TBCK: variants seen among roughly 807,000 people sequenced by gnomAD.
TBCK encodes the protein TBC1 domain containing kinase, also known as TBC domain-containing protein kinase-like protein.
A neutral mutation model predicts 113.4 loss-of-function variants in TBCK; 99 were observed. The observed-to-expected ratio is 0.87, with a 90% CI of 0.74 to 1.03. The LOEUF (loss-of-function observed/expected upper bound fraction) is 1.03, where lower values mean the gene tolerates loss of function less well. Ranked by LOEUF, TBCK falls within the 50% of genes least tolerant of loss-of-function variation. The probability of loss-of-function intolerance (pLI) is 0.00; values close to 1 mark genes in which losing one functional copy is unlikely to be tolerated. For synonymous variants in TBCK, 369 were observed against 370.8 expected (o/e 1.00, Z 0.05); for missense variants, 1,045 against 1,061.3 (o/e 0.98, Z 0.21).
At chr4:106,131,406 A>C (rs1475950554) in intron 23 of TBCK, among the ~76,000 whole-genome samples, 1 of 152,222 alleles carries the variant, frequency 6.6e-6, no homozygotes. Flanking sequence ...TGAGGTTGGG[A>C]GTTTGAGACC....
intron 19 of TBCK, among the ~76,000 whole-genome samples, chr4:106,226,160 T>C (rs1406328947): frequency 6.6e-6 from 1 of 152,076 alleles, no homozygotes; most frequent in East Asian, 1.9e-4. Flanking sequence ...CCAGACCTTG[T>C]ATCAAAAAAG....
intron 23 of TBCK, among the ~76,000 whole-genome samples, chr4:106,127,963 A>G (rs866228901): frequency 3.9e-5 from 6 of 152,124 alleles, no homozygotes; most frequent in African/African-American, 1.2e-4. Flanking sequence ...ACACACACAC[A>G]CGCGTACACA....
At chr4:106,204,472 G>A (rs1464767008) in intron 20 of TBCK, among the ~76,000 whole-genome samples, 1 of 152,074 alleles carries the variant, frequency 6.6e-6, no homozygotes, top group Non-Finnish European at 1.5e-5. Context: ...TTATGCTAAT[G>A]GTGCAAAGCC....
At chr4:106,285,044 T>A (rs1764980525) in intron 3 of TBCK, among the ~76,000 whole-genome samples, 1 of 152,146 alleles carries the variant, frequency 6.6e-6, no homozygotes, top group Non-Finnish European at 1.5e-5. Flanking sequence ...AAAAATAATT[T>A]TGATCATTTA....
intron 5 of TBCK, 120 bp downstream of exon 5, chr4:106,260,317 A>ACAGCTT: frequency 2.4e-6 from 1 of 420,222 alleles, no homozygotes; most frequent in Non-Finnish European, 4.1e-6. Context: ...AGATGCATTA[A>ACAGCTT]TTTTAAAAAA....
chr4:106,261,025 T>C (rs115733337), intron 4 of TBCK, among the ~76,000 whole-genome samples: 147 of 152,114 alleles, frequency 9.7e-4, no homozygotes, highest in African/African-American at 3.4e-3. Flanking sequence ...TTTATATTGT[T>C]TGAGAACAAA....
intron 22 of TBCK, among the ~76,000 whole-genome samples, chr4:106,175,481 C>T (rs762674071): frequency 6.6e-6 from 1 of 151,230 alleles, no homozygotes; most frequent in African/African-American, 2.4e-5. Context: ...CTTCTGGGAA[C>T]ATTGAGTTTT....
At chr4:106,048,762 A>G (rs988377718) in intron 25 of TBCK, among the ~76,000 whole-genome samples, 1 of 152,186 alleles carries the variant, frequency 6.6e-6, no homozygotes, top group African/African-American at 2.4e-5. Context: ...GAAGGACTGT[A>G]CATGCAACTA....
At chr4:106,178,378 G>T (rs1264117718) in intron 22 of TBCK, among the ~76,000 whole-genome samples, 2 of 151,822 alleles carry the variant, frequency 1.3e-5, no homozygotes, top group Non-Finnish European at 2.9e-5. Context: ...GTAGTGAAAG[G>T]AGGCATCTTT....
At chr4:106,212,985 T>C in intron 19 of TBCK, 150 bp from the exon 20 acceptor site, 4 of 582,574 alleles carry the variant, frequency 6.9e-6, no homozygotes, top group South Asian at 4.8e-5. Context: ...ACTATTTTAA[T>C]TACTTACTGC....
intron 23 of TBCK, among the ~76,000 whole-genome samples, chr4:106,143,044 C>A (rs1027417561): frequency 6.6e-6 from 1 of 152,186 alleles, no homozygotes; most frequent in African/African-American, 2.4e-5. Flanking sequence ...TATATCATGA[C>A]AATGTTATTT....
At chr4:106,217,999 T>C (rs906076565) in intron 19 of TBCK, among the ~76,000 whole-genome samples, 4 of 144,480 alleles carry the variant, frequency 2.8e-5, no homozygotes, top group Non-Finnish European at 4.6e-5. Flanking sequence ...CAAAACAGCA[T>C]GGTACTGGTA....
chr4:106,314,402 T>C (rs1323213730), intron 1 of TBCK, among the ~76,000 whole-genome samples: 1 of 152,182 alleles, frequency 6.6e-6, no homozygotes, highest in Non-Finnish European at 1.5e-5. Context: ...TGGTGTGGGC[T>C]ATTTCTAGAA....
chr4:106,107,495 A>T lies in TBCK; in HGVS notation c.2411+8708T>A, dbSNP rs148909811. On this transcript the variant is annotated intron_variant, in intron 24 of 25. Coordinates refer to ENST00000394708, the MANE Select transcript of TBCK (RefSeq NM_001163435.3). The stretch of plus-strand genomic sequence containing the variant: ...AACACAATAAAAATCACTCAAAATC[A>T]TACAATTACATAGAAATTAAACAAC... Among the ~76,000 whole-genome samples the T allele has an allele frequency of 3.1e-4, 47 of 152,348 alleles. 1 individual carries two copies. The highest frequency in any genetic ancestry group is 1.0e-3 in the African/African-American group (43 of 41,594).
At chr4:106,293,621 T>G (rs1045563082) in intron 3 of TBCK, among the ~76,000 whole-genome samples, 11 of 152,336 alleles carry the variant, frequency 7.2e-5, no homozygotes, top group Admixed American at 6.5e-4. Context: ...ACATGATATC[T>G]GCATTTTTCA....
rs1286055765 is a variant in TBCK at position 106,148,006 on chromosome 4, A to T, written c.2235+23089T>A. ...TGGGCGTGGCCATCTTCTATGGTCG[A>T]GGCTGTAGGGGTGAAATATACCCCA... On this transcript the variant is annotated intron_variant, in intron 23 of 25. Coordinates refer to ENST00000394708, the MANE Select transcript of TBCK (RefSeq NM_001163435.3). Among the ~76,000 whole-genome samples, 3 of 152,150 alleles carry T rather than the reference A, an allele frequency of 2.0e-5. No individual in the cohort carries two copies. The East Asian group carries it at 5.8e-4, about 29-fold the overall frequency.
In TBCK at chr4:106,046,491, T is replaced by G; in HGVS notation, c.*79A>C. ...AACAATCTGGACATCTAGTTTTGTC[T>G]GAGAGTGGCGTGGATATGAAGAACT... On this transcript the variant is annotated 3_prime_UTR_variant, in exon 26 of 26. Transcript: ENST00000394708. 1.3e-6 allele frequency: 1 copy of G among 755,718 alleles called. No individual in the cohort carries two copies. The highest frequency in any genetic ancestry group is 2.3e-6 in the Non-Finnish European group (1 of 437,756). 46.8% of individuals were successfully genotyped at this position (755,718 alleles called of 1,614,324 possible).
chr4:106,201,900 T>G (rs1304913388), intron 20 of TBCK, among the ~76,000 whole-genome samples: 3 of 152,088 alleles, frequency 2.0e-5, no homozygotes, highest in Non-Finnish European at 4.4e-5. Flanking sequence ...ATTAGTTTAA[T>G]GCTTTTGCAA....
rs570549148 is a variant in TBCK at position 106,113,219 on chromosome 4, T to A, written c.2411+2984A>T. Among the ~76,000 whole-genome samples the A allele has an allele frequency of 2.6e-4, 39 of 152,270 alleles. No homozygotes were observed. In the South Asian group the frequency reaches 7.9e-3, roughly 31 times the overall value. ...TTTCAACAATTTTGTCACAGTGGAATATCCAACATTCCACAGGCATCCCTT... is the reference window on the plus strand; with the variant it reads ...TTTCAACAATTTTGTCACAGTGGAAAATCCAACATTCCACAGGCATCCCTT... On this transcript the variant is annotated intron_variant, in intron 24 of 25. Transcript: ENST00000394708.
Sources: gnomAD v4.1 joint callset for allele counts (sites outside exome capture counted in the v4.1 genomes callset) on GRCh38, gnomAD v4.1.1 for gene constraint, MANE v1.5 for transcripts, NCBI Gene and HGNC (gene_info 2026-07-23, HGNC 2026-07-21) for gene names.